PLEKHH2: variants seen among roughly 807,000 people sequenced by gnomAD.
PLEKHH2 encodes the protein pleckstrin homology, MyTH4 and FERM domain containing H2.
PLEKHH2 carries 129 observed loss-of-function variants against 187.9 expected under a neutral mutation model. That is an observed-to-expected ratio of 0.69 (90% CI 0.59 to 0.79). PLEKHH2 has a LOEUF of 0.79. PLEKHH2 is among the 30% of genes least tolerant of loss of function. The pLI is 0.00. For missense variants in PLEKHH2, 2,076 were observed against 1,751.2 expected (o/e 1.19, Z -3.31); for synonymous variants, 686 against 605.6 (o/e 1.13, Z -1.95).
chr2:43,642,670 G>C (rs751267574), intron 1 of PLEKHH2, among the ~76,000 whole-genome samples: 4 of 152,106 alleles, frequency 2.6e-5, no homozygotes, highest in South Asian at 2.1e-4. Flanking sequence ...TATCATGAAG[G>C]GGTGTTGGAT....
chr2:43,742,045 G>A (rs2104596576), intron 21 of PLEKHH2, among the ~76,000 whole-genome samples: 1 of 151,446 alleles, frequency 6.6e-6, no homozygotes, highest in Middle Eastern at 3.4e-3. Flanking sequence ...CTGTCACCTA[G>A]GTTGGAGTGC....
At chr2:43,641,839 A>C (rs1325315078) in intron 1 of PLEKHH2, among the ~76,000 whole-genome samples, 1 of 152,190 alleles carries the variant, frequency 6.6e-6, no homozygotes, top group East Asian at 1.9e-4. Context: ...CTGTTTATCT[A>C]TATATCTATC....
chr2:43,683,430 C>T (rs1196351878), intron 3 of PLEKHH2, among the ~76,000 whole-genome samples: 2 of 151,986 alleles, frequency 1.3e-5, no homozygotes, highest in East Asian at 1.9e-4. Flanking sequence ...TGAGCCACCT[C>T]GCCCGGCCCT....
At chr2:43,674,318 G>A (rs541714373) in intron 2 of PLEKHH2, among the ~76,000 whole-genome samples, 2 of 152,034 alleles carry the variant, frequency 1.3e-5, no homozygotes, top group Non-Finnish European at 2.9e-5. Context: ...GCTAAGTAAG[G>A]CTCCAGAAAA....
At chr2:43,693,521 C>A (rs555441905) in intron 4 of PLEKHH2, among the ~76,000 whole-genome samples, 2 of 151,878 alleles carry the variant, frequency 1.3e-5, no homozygotes, top group African/African-American at 2.4e-5. Context: ...GTCAGGAGAT[C>A]GAGACCATCT....
chr2:43,682,273 T>G (rs1443425948), intron 3 of PLEKHH2, among the ~76,000 whole-genome samples: 1 of 152,216 alleles, frequency 6.6e-6, no homozygotes, highest in East Asian at 1.9e-4. Context: ...GCTTCTGTGT[T>G]TTGTTCTTTA....
chr2:43,685,040 T>G (rs1668433982), intron 3 of PLEKHH2, among the ~76,000 whole-genome samples: 1 of 152,210 alleles, frequency 6.6e-6, no homozygotes, highest in Non-Finnish European at 1.5e-5. Context: ...TGAAGTCACC[T>G]TTTTTGGCCT....
Position 43,697,324 on chromosome 2 carries a change from A to T in PLEKHH2, c.656A>T (p.Glu219Val). The T allele has an allele frequency of 6.2e-7, 1 of 1,613,120 alleles. No individual in the cohort carries two copies. Among genetic ancestry groups the T allele is most frequent in the Non-Finnish European group, 8.5e-7 (1 of 1,179,596 alleles). The part of the protein sequence containing the change: ...SEEMSKISSK[E>V]PEFTEGKDME... ...GAAATGAGCAAGATATCATCGAAAG[A>T]ACCTGAGTTCACTGAAGGAAAAGAC... is the stretch of plus-strand genomic sequence containing the variant. The change falls in exon 7 of 30, where the codon GAA (glutamate) becomes GTA (valine). Residue 219 changes from glutamate to valine, a missense_variant. Physicochemically the swap from Glu to Val is moderately radical, Grantham distance 121. Transcript: ENST00000282406.
intron 13 of PLEKHH2, 27 bp downstream of exon 13, chr2:43,710,357 A>G: frequency 6.2e-7 from 1 of 1,605,306 alleles, no homozygotes; most frequent in Non-Finnish European, 8.5e-7. Context: ...TTCTGTTTAG[A>G]ACGTAATTCC....
chr2:43,701,948 T>C (rs1669392654), intron 8 of PLEKHH2, among the ~76,000 whole-genome samples: 2 of 152,130 alleles, frequency 1.3e-5, no homozygotes, highest in Non-Finnish European at 2.9e-5. Flanking sequence ...TTTGTATTTT[T>C]AGTAGAGGTG....
rs368945098 is a variant in PLEKHH2 at position 43,729,754 on chromosome 2, A to C, written c.2830+9A>C. 5 of 1,555,374 alleles carry C rather than the reference A, an allele frequency of 3.2e-6. No homozygotes were observed. Among genetic ancestry groups the C allele is most frequent in the African/African-American group, 1.4e-5 (1 of 72,696 alleles). ...TATAGACGGGGAGCCTTGTAAGTTCATAAACATATAAATAAAGCTTTATGG... is the reference window on the plus strand; with the variant it reads ...TATAGACGGGGAGCCTTGTAAGTTCCTAAACATATAAATAAAGCTTTATGG... On this transcript the variant is annotated intron_variant, in intron 18 of 29. Coordinates refer to ENST00000282406, the MANE Select transcript of PLEKHH2 (RefSeq NM_172069.4).
chr2:43,701,113 T>A (rs1669340824), intron 8 of PLEKHH2, among the ~76,000 whole-genome samples: 1 of 152,238 alleles, frequency 6.6e-6, no homozygotes, highest in African/African-American at 2.4e-5. Flanking sequence ...AAACTAATTT[T>A]AGAGAATTAG....
At position 43,674,907 on chromosome 2, in the gene PLEKHH2, C is replaced by A. The variant is rs533088359; in HGVS notation, c.124-3956C>A. On this transcript the variant is annotated intron_variant, in intron 2 of 29. Transcript: ENST00000282406. Reference sequence around the variant, plus strand: ...GGCTGAGATAGGAGAATCACTTGAACCCGGGAGGCGGAGGTTGCAGTGAGC... The same window carrying A: ...GGCTGAGATAGGAGAATCACTTGAAACCGGGAGGCGGAGGTTGCAGTGAGC... Among the ~76,000 whole-genome samples the A allele has an allele frequency of 9.2e-5, 14 of 152,138 alleles. No homozygotes were observed. In the South Asian group the frequency reaches 1.5e-3, roughly 16 times the overall value.
At chr2:43,698,096 C>G (rs532023618) in intron 7 of PLEKHH2, among the ~76,000 whole-genome samples, 130 of 152,300 alleles carry the variant, frequency 8.5e-4, no homozygotes, top group African/African-American at 3.1e-3. Context: ...ACTTTCAGCT[C>G]CAACTTCCTT....
intron 2 of PLEKHH2, among the ~76,000 whole-genome samples, chr2:43,652,014 A>G (rs982409176): frequency 6.6e-6 from 1 of 152,190 alleles, no homozygotes; most frequent in African/African-American, 2.4e-5. Flanking sequence ...TAAACTGACA[A>G]TTATGTATAA....
chr2:43,670,361 C>G (rs6747339), intron 2 of PLEKHH2, among the ~76,000 whole-genome samples: 71,224 of 151,932 alleles, frequency 0.47, 17,260 homozygotes, highest in Non-Finnish European at 0.51. Context: ...TTGTTCCCAG[C>G]AGTTTTCCCT....
At chr2:43,681,147 C>G (rs1224726319) in intron 3 of PLEKHH2, 1 of 741,046 alleles carries the variant, frequency 1.3e-6, no homozygotes, top group Non-Finnish European at 2.3e-6. Context: ...TCCTGCAACA[C>G]TCTAATGCCA....
At chr2:43,760,825 C>T (rs1672401210) in intron 27 of PLEKHH2, among the ~76,000 whole-genome samples, 1 of 152,260 alleles carries the variant, frequency 6.6e-6, no homozygotes, top group Admixed American at 6.5e-5. Context: ...GCAACTGCCA[C>T]TCTACTTTCT....
chr2:43,710,921 A>C (rs768798769), intron 14 of PLEKHH2: 6 of 1,035,068 alleles, frequency 5.8e-6, no homozygotes, highest in Non-Finnish European at 7.0e-6. Context: ...TAGTTATATA[A>C]TGTACTGTGA....
Sources: gnomAD v4.1 joint callset for allele counts (sites outside exome capture counted in the v4.1 genomes callset) on GRCh38, gnomAD v4.1.1 for gene constraint, MANE v1.5 for transcripts, NCBI Gene and HGNC (gene_info 2026-07-23, HGNC 2026-07-21) for gene names.